KMO: variants seen among roughly 807,000 people sequenced by gnomAD.
KMO encodes the protein kynurenine 3-monooxygenase.
Under a neutral mutation model 57.8 loss-of-function variants are expected in KMO, and 24 were observed. The ratio of observed to expected loss-of-function variants is 0.42; its 90% confidence interval spans 0.30 to 0.58. KMO has a LOEUF of 0.58. Ranked by LOEUF, KMO falls within the 20% of genes least tolerant of loss-of-function variation. KMO has a pLI of 0.22. For missense variants in KMO, 483 were observed against 588.2 expected, an observed-to-expected ratio of 0.82 and a Z score of 1.85; for synonymous variants, 210 against 193.6, an observed-to-expected ratio of 1.08 and a Z score of -0.70.
chr1:241,570,982 T>C (rs1186337531), intron 10 of KMO, among the ~76,000 whole-genome samples: 1 of 152,154 alleles, frequency 6.6e-6, no homozygotes, highest in African/African-American at 2.4e-5. Context: ...TAGTTTTCAT[T>C]GTAGAGATCT....
At position 241,559,194 on chromosome 1, in the gene KMO, A is replaced by G. The variant is rs145501110; in HGVS notation, c.362-1471A>G. 3.5e-3 allele frequency among the ~76,000 whole-genome samples: 531 copies of G among 152,182 alleles called. 3 individuals carry two copies. Among genetic ancestry groups the G allele is most frequent in the African/African-American group, 0.012 (497 of 41,532 alleles). On this transcript the variant is annotated intron_variant, in intron 5 of 14. Coordinates refer to ENST00000366559, the MANE Select transcript of KMO (RefSeq NM_003679.5). The stretch of plus-strand genomic sequence containing the variant: ...AAAGTTATTCACTGTCATTCTTTTT[A>G]TATATACTTGTTCTAATTTGCCAAA...
rs1300737701 is a variant in KMO at position 241,593,351 on chromosome 1, C to G, written c.*1198C>G. 3 of 433,346 alleles carry G rather than the reference C, an allele frequency of 6.9e-6. No individual in the cohort carries two copies. Among genetic ancestry groups the G allele is most frequent in the East Asian group, 7.1e-5 (1 of 14,054 alleles). 26.8% of individuals were successfully genotyped at this position (433,346 alleles called of 1,614,324 possible). On this transcript the variant is annotated 3_prime_UTR_variant, in exon 15 of 15. Coordinates refer to ENST00000366559, the MANE Select transcript of KMO (RefSeq NM_003679.5). ...TAGTGAAATGTTTTCTTTGGTTCATCCTTCTTTAACAGGCTGCTGAGTCAC... is the reference window on the plus strand; with the variant it reads ...TAGTGAAATGTTTTCTTTGGTTCATGCTTCTTTAACAGGCTGCTGAGTCAC...
In KMO at chr1:241,568,494, T is replaced by G. The variant is rs754714766; in HGVS notation, c.810-6T>G. 16 of 1,613,242 alleles carry G rather than the reference T, an allele frequency of 9.9e-6. No homozygotes were observed. The East Asian group carries it at 3.3e-4, about 34-fold the overall frequency. ...GTCTTTATATTCGGATTATTTTCCT[T>G]TGAAGGAAACTCCTAGTGCAAGATT... On this transcript the variant is annotated splice_polypyrimidine_tract_variant and splice_region_variant and intron_variant, in intron 9 of 14. Coordinates refer to ENST00000366559, the MANE Select transcript of KMO (RefSeq NM_003679.5).
At chr1:241,590,545 G>T (rs766887084) in intron 14 of KMO, among the ~76,000 whole-genome samples, 1 of 152,178 alleles carries the variant, frequency 6.6e-6, no homozygotes, top group Non-Finnish European at 1.5e-5. Flanking sequence ...TACTGTTCTT[G>T]ATTTTTGCTT....
chr1:241,534,529 T>G (rs751085315), intron 1 of KMO, among the ~76,000 whole-genome samples: 1 of 152,264 alleles, frequency 6.6e-6, no homozygotes, highest in African/African-American at 2.4e-5. Context: ...TTCAAGTCCA[T>G]GCTTACGCAT....
At chr1:241,536,831 C>T (rs77129135) in intron 1 of KMO, among the ~76,000 whole-genome samples, 1 of 152,196 alleles carries the variant, frequency 6.6e-6, no homozygotes, top group East Asian at 1.9e-4. Flanking sequence ...TTGTGCCCTG[C>T]CCCCTGGAAT....
chr1:241,569,593 A>G (rs1213774754), intron 10 of KMO, among the ~76,000 whole-genome samples: 4 of 152,226 alleles, frequency 2.6e-5, no homozygotes, highest in South Asian at 2.1e-4. Context: ...TATCTTTGCT[A>G]TTGTGAATAG....
At position 241,532,558 on chromosome 1, in the gene KMO, T is replaced by C. The variant is rs539761457; in HGVS notation, c.54+60T>C. The C allele has an allele frequency of 5.7e-6, 7 of 1,231,372 alleles. No individual in the cohort carries two copies. The East Asian group carries it at 1.5e-4, about 27-fold the overall frequency. 76.3% of individuals were successfully genotyped at this position (1,231,372 alleles called of 1,614,324 possible). The stretch of plus-strand genomic sequence containing the variant: ...GTATTATATTAACTATTATTACTCG[T>C]AATGATTATTATTCGTCACTTCTGC... On this transcript the variant is annotated intron_variant, in intron 1 of 14. Transcript: ENST00000366559.
chr1:241,571,156 A>G (rs974099977), intron 10 of KMO, among the ~76,000 whole-genome samples: 4 of 150,400 alleles, frequency 2.7e-5, no homozygotes, highest in African/African-American at 7.3e-5. Flanking sequence ...AAATTTGTTT[A>G]TCAGTTCTAA....
chr1:241,546,020 T>C (rs565396144), intron 1 of KMO, among the ~76,000 whole-genome samples: 1 of 152,236 alleles, frequency 6.6e-6, no homozygotes, highest in South Asian at 2.1e-4. Flanking sequence ...TGATGTCATT[T>C]TTTTTCCAGA....
chr1:241,549,298 G>A (rs568015368), intron 2 of KMO, among the ~76,000 whole-genome samples: 4 of 138,408 alleles, frequency 2.9e-5, no homozygotes, highest in South Asian at 2.3e-4. Flanking sequence ...AGGAGAAAGA[G>A]CAAGAAAGAA....
At chr1:241,573,678 C>T (rs1305470389) in intron 10 of KMO, among the ~76,000 whole-genome samples, 1 of 152,032 alleles carries the variant, frequency 6.6e-6, no homozygotes, top group Non-Finnish European at 1.5e-5. Context: ...GTAACTATAG[C>T]CTTGTAGTAT....
chr1:241,548,607 T>C (rs1285740167), intron 1 of KMO, among the ~76,000 whole-genome samples: 1 of 151,858 alleles, frequency 6.6e-6, no homozygotes, highest in Non-Finnish European at 1.5e-5. Context: ...AAACTACTTC[T>C]AAAATCATAT....
At chr1:241,533,476 C>T (rs1660648693) in intron 1 of KMO, among the ~76,000 whole-genome samples, 1 of 152,162 alleles carries the variant, frequency 6.6e-6, no homozygotes, top group Admixed American at 6.6e-5. Flanking sequence ...AGTGCTAGAA[C>T]AGTTCTTTTA....
intron 6 of KMO, 125 bp from the exon 7 acceptor site, chr1:241,562,042 G>C: frequency 1.4e-6 from 1 of 730,962 alleles, no homozygotes; most frequent in Non-Finnish European, 2.2e-6. Context: ...AAAGCTCCAA[G>C]TCAAACATGT....
In KMO at chr1:241,562,314, T is replaced by A; in HGVS notation, c.597T>A (p.Ile199=). The A allele has an allele frequency of 6.2e-7, 1 of 1,614,100 alleles. No individual in the cohort carries two copies. The highest frequency in any genetic ancestry group is 8.5e-7 in the Non-Finnish European group (1 of 1,179,962). ...YIPHGYMELT[I]PPKNGDYAME... is the part of the protein sequence containing the mutation. ...CTCATGGGTACATGGAGTTGACTAT[T>A]CCACCTAAGAACGGAGATGTAAGTC... The change falls in exon 7 of 15, where the codon ATT becomes ATA. Residue 199 remains isoleucine, a synonymous_variant. Transcript: ENST00000366559.
chr1:241,549,256 A>AGAAAGAAAGAAAGAAAGTAAGTCG (rs1553346343), intron 2 of KMO, among the ~76,000 whole-genome samples: 1 of 114,808 alleles, frequency 8.7e-6, no homozygotes, highest in Non-Finnish European at 1.9e-5. Context: ...AAAGAAAGAA[A>AGAAAGAAAGAAAGAAAGTAAGTCG]GAAAGAAAGA....
chr1:241,549,857 A>G lies in KMO; in HGVS notation c.222+83A>G, dbSNP rs1431624853. ...GGTTTGATTTCATCCTGGCTTAAAAAGTACCATTTAATACCAAGAATCTCT... is the reference window on the plus strand; with the variant it reads ...GGTTTGATTTCATCCTGGCTTAAAAGGTACCATTTAATACCAAGAATCTCT... On this transcript the variant is annotated intron_variant, in intron 3 of 14. Transcript: ENST00000366559. 3 of 862,642 alleles carry G rather than the reference A, an allele frequency of 3.5e-6. No homozygotes were observed. In the African/African-American group the frequency reaches 5.1e-5, roughly 15 times the overall value. 53.4% of individuals were successfully genotyped at this position (862,642 alleles called of 1,614,324 possible). A position where few individuals can be genotyped will look rare whatever the true frequency, so the allele number is the denominator to read the frequency against.
At chr1:241,586,829 T>C (rs1663011410) in intron 11 of KMO, 93 bp downstream of exon 11, 1 of 842,398 alleles carries the variant, frequency 1.2e-6, no homozygotes, top group Non-Finnish European at 1.9e-6. Flanking sequence ...AAACCTGTGA[T>C]GTATAATGTA....
Sources: allele counts gnomAD v4.1 joint callset (sites outside exome capture counted in the v4.1 genomes callset), GRCh38; gene constraint gnomAD v4.1.1; transcripts MANE v1.5; gene names NCBI Gene and HGNC (gene_info 2026-07-23, HGNC 2026-07-21).